Variants in KCNK10 observed in about 807,000 individuals in gnomAD.
The protein encoded by KCNK10 is potassium channel subfamily K member 10.
In KCNK10, 25 loss-of-function variants were observed where a neutral mutation model predicts 47.7. The observed-to-expected ratio is 0.52, with a 90% CI of 0.38 to 0.73. The LOEUF (loss-of-function observed/expected upper bound fraction) is 0.73, where lower values mean the gene tolerates loss of function less well. KCNK10 is among the 30% of genes least tolerant of loss of function. KCNK10 has a pLI of 0.00. For synonymous variants in KCNK10, 303 were observed against 285.6 expected (o/e 1.06, Z -0.61); for missense variants, 563 against 714.5 (o/e 0.79, Z 2.42).
At chr14:88,270,230 C>T (rs941971905) in intron 1 of KCNK10, among the ~76,000 whole-genome samples, 3 of 152,246 alleles carry the variant, frequency 2.0e-5, no homozygotes, top group South Asian at 2.1e-4. Context: ...GACTTCAGGC[C>T]GCTGGGGAGG....
rs750070942 is a variant in KCNK10, at chr14:88,183,331, T to G, written c.*2204A>C. Reference sequence around the variant, plus strand: ...GCACTGGATAAATGAGAGGGAAGCCTCTGCCAGATTTGGCCGTAGGGCCTG... The same window carrying G: ...GCACTGGATAAATGAGAGGGAAGCCGCTGCCAGATTTGGCCGTAGGGCCTG... On this transcript the variant is annotated 3_prime_UTR_variant, in exon 7 of 7. Coordinates refer to ENST00000319231, the MANE Select transcript of KCNK10 (RefSeq NM_138317.3). 1 of 152,360 alleles carries G rather than the reference T, an allele frequency of 6.6e-6. No homozygotes were observed. Among genetic ancestry groups the G allele is most frequent in the African/African-American group, 2.4e-5 (1 of 41,466 alleles). 9.4% of individuals were successfully genotyped at this position (152,360 alleles called of 1,614,324 possible).
intron 2 of KCNK10, among the ~76,000 whole-genome samples, chr14:88,251,105 C>A (rs1886783023): frequency 6.6e-6 from 1 of 151,730 alleles, no homozygotes; most frequent in Non-Finnish European, 1.5e-5. Flanking sequence ...TGGTGGTGCA[C>A]ACCTGTAGTC....
At chr14:88,302,455 A>C (rs1196590175) in intron 1 of KCNK10, among the ~76,000 whole-genome samples, 1 of 152,246 alleles carries the variant, frequency 6.6e-6, no homozygotes, top group Non-Finnish European at 1.5e-5. Flanking sequence ...TATGCCTGTA[A>C]TCCCAGCACT....
chr14:88,263,594 TATAA>T, intron 1 of KCNK10, 43 bp from the exon 2 acceptor site: 1 of 1,505,932 alleles, frequency 6.6e-7, no homozygotes, highest in Non-Finnish European at 9.0e-7. Context: ...AGAGTTTGTT[TATAA>T]ATAAATACAA....
intron 4 of KCNK10, among the ~76,000 whole-genome samples, chr14:88,217,879 T>C (rs1384895232): frequency 6.6e-6 from 1 of 152,094 alleles, no homozygotes; most frequent in Non-Finnish European, 1.5e-5. Context: ...CACACCACCA[T>C]GCCAGGCTAA....
intron 2 of KCNK10, among the ~76,000 whole-genome samples, chr14:88,262,691 A>T (rs572664146): frequency 6.6e-6 from 1 of 152,256 alleles, no homozygotes; most frequent in Admixed American, 6.5e-5. Context: ...TACTACTGTG[A>T]TCCATATTAT....
intron 4 of KCNK10, among the ~76,000 whole-genome samples, chr14:88,205,037 C>T (rs1013764767): frequency 2.0e-5 from 3 of 152,332 alleles, no homozygotes; most frequent in Admixed American, 6.5e-5. Context: ...TCTGCTCCAC[C>T]GATTCATCCC....
rs1455800413 is a variant in KCNK10 at position 88,263,571 on chromosome 14, G to C, written c.53-20C>G. ...CGGCCACTGAGGAGTCAGGGTGGGGGACAAAGAAGAAGAGAGTTTGTTTAT... is the reference window on the plus strand; with the variant it reads ...CGGCCACTGAGGAGTCAGGGTGGGGCACAAAGAAGAAGAGAGTTTGTTTAT... On this transcript the variant is annotated intron_variant, in intron 1 of 6. Coordinates refer to ENST00000319231, the MANE Select transcript of KCNK10 (RefSeq NM_138317.3). 1.3e-6 allele frequency: 2 copies of C among 1,591,484 alleles called. No individual in the cohort carries two copies. Among genetic ancestry groups the C allele is most frequent in the African/African-American group, 2.7e-5 (2 of 74,488 alleles).
At chr14:88,299,475 A>G (rs892327094) in intron 1 of KCNK10, among the ~76,000 whole-genome samples, 4 of 152,240 alleles carry the variant, frequency 2.6e-5, no homozygotes, top group African/African-American at 7.2e-5. Context: ...CACAGTAAGT[A>G]TCTAATAAAT....
In KCNK10 at chr14:88,221,301, CAATAAT is replaced by C. The variant is rs55913907; in HGVS notation, c.681+6068_681+6073del. 1.3e-3 allele frequency among the ~76,000 whole-genome samples: 187 copies of C among 144,176 alleles called. 1 individual carries two copies. The East Asian group carries it at 0.022, about 17-fold the overall frequency. 94.6% of individuals were successfully genotyped at this position (144,176 alleles called of 152,430 possible). On this transcript the variant is annotated intron_variant, in intron 4 of 6. Coordinates refer to ENST00000319231, the MANE Select transcript of KCNK10 (RefSeq NM_138317.3). ...TGGGTGACAGAGTGAGACTCTGTCT[CAATAAT>C]AATAATAATAATAATAATAATACAT...
chr14:88,263,245 T>A lies in KCNK10; in HGVS notation c.359A>T (p.Asp120Val). 1 of 1,614,160 alleles carries A rather than the reference T, an allele frequency of 6.2e-7. No homozygotes were observed. The highest frequency in any genetic ancestry group is 1.1e-5 in the South Asian group (1 of 91,086). ...CTCCTGGGGGCTCACACAGACATGA[T>A]CCCGCAGGAATTCCGCCTTCTCCAA... ...IALEKAEFLRDHVCVSPQELE... is the reference protein window; with the variant it reads ...IALEKAEFLRVHVCVSPQELE... The change falls in exon 2 of 7, where the codon GAT becomes GTT. Residue 120 changes from aspartate to valine, a missense_variant. Coordinates refer to ENST00000319231, the MANE Select transcript of KCNK10 (RefSeq NM_138317.3).
At chr14:88,274,425 G>C (rs942831841) in intron 1 of KCNK10, among the ~76,000 whole-genome samples, 1 of 151,710 alleles carries the variant, frequency 6.6e-6, no homozygotes, top group Non-Finnish European at 1.5e-5. Context: ...AGCCAGGCAT[G>C]GTGGCGCACG....
At chr14:88,325,903 G>T (rs1888650547), upstream of KCNK10, among the ~76,000 whole-genome samples, 1 of 151,734 alleles carries the variant, frequency 6.6e-6, no homozygotes, top group Admixed American at 6.6e-5. Context: ...GAGTAGTGAT[G>T]ACCTTCCCCA....
intron 1 of KCNK10, among the ~76,000 whole-genome samples, chr14:88,310,767 C>A (rs1179309439): frequency 1.3e-5 from 2 of 152,068 alleles, no homozygotes; most frequent in Admixed American, 6.5e-5. Context: ...AGGAGAAATA[C>A]CCCAATGTTA....
At chr14:88,240,957 G>A (rs1886446368) in intron 2 of KCNK10, 137 bp from the exon 3 acceptor site, 1 of 559,330 alleles carries the variant, frequency 1.8e-6, no homozygotes, top group Non-Finnish European at 3.2e-6. Flanking sequence ...TGGTTAAGTG[G>A]ATGATGGTAG....
At chr14:88,230,433 C>T (rs997732679) in intron 3 of KCNK10, among the ~76,000 whole-genome samples, 5 of 152,150 alleles carry the variant, frequency 3.3e-5, no homozygotes, top group Admixed American at 3.3e-4. Context: ...AAAAGAGTTC[C>T]CCGTTTTTCA....
At chr14:88,277,466 T>C (rs1397481241) in intron 1 of KCNK10, among the ~76,000 whole-genome samples, 1 of 152,190 alleles carries the variant, frequency 6.6e-6, no homozygotes, top group Admixed American at 6.5e-5. Flanking sequence ...GGGCGCAGGT[T>C]AGAGGAAGAG....
chr14:88,262,656 C>G (rs1238492157), intron 2 of KCNK10, among the ~76,000 whole-genome samples: 1 of 152,122 alleles, frequency 6.6e-6, no homozygotes, highest in Non-Finnish European at 1.5e-5. Flanking sequence ...AGTAAGTATT[C>G]AAAAACAGCA....
In KCNK10 at chr14:88,197,859, G is replaced by GGAGAGAGAGAGAGAGAGAGAGAGAGA. The variant is rs71126969; in HGVS notation, c.682-5475_682-5450dup. 1.4e-4 allele frequency among the ~76,000 whole-genome samples: 18 copies of GGAGAGAGAGAGAGAGAGAGAGAGAGA among 125,420 alleles called. 1 individual carries two copies. The highest frequency in any genetic ancestry group is 5.9e-4 in the African/African-American group (18 of 30,288). The allele number at this position is 125,420 out of a possible 152,430, so 82.3% of individuals were successfully genotyped here. On this transcript the variant is annotated intron_variant, in intron 4 of 6. Coordinates refer to ENST00000319231, the MANE Select transcript of KCNK10 (RefSeq NM_138317.3). Reference sequence around the variant, plus strand: ...AAACAGAAGGAAGGAAGGAGGGAAGGGAGAGAGAGAGAGAGAGAGAGAGAG... The same window carrying GGAGAGAGAGAGAGAGAGAGAGAGAGA: ...AAACAGAAGGAAGGAAGGAGGGAAGGGAGAGAGAGAGAGAGAGAGAGAGAGAGAGAGAGAGAGAGAGAGAGAGAGAG...
Sources: gnomAD v4.1 joint callset for allele counts (sites outside exome capture counted in the v4.1 genomes callset) on GRCh38, gnomAD v4.1.1 for gene constraint, MANE v1.5 for transcripts, NCBI Gene and HGNC (gene_info 2026-07-23, HGNC 2026-07-21) for gene names.